Variants in CDC40 observed in about 807,000 individuals in gnomAD.
CDC40 encodes the protein pre-mRNA-processing factor 17.
In CDC40, 27 loss-of-function variants were observed where a neutral mutation model predicts 80.6. That is an observed-to-expected ratio of 0.33 (90% CI 0.25 to 0.46). The LOEUF (loss-of-function observed/expected upper bound fraction) is 0.46, where lower values mean the gene tolerates loss of function less well. CDC40 is among the 20% of genes least tolerant of loss of function. CDC40 has a pLI of 1.00. For synonymous variants in CDC40, 221 were observed against 232.6 expected, an observed-to-expected ratio of 0.95 and a Z score of 0.45; for missense variants, 486 against 694.1, an observed-to-expected ratio of 0.70 and a Z score of 3.37.
intron 2 of CDC40, among the ~76,000 whole-genome samples, chr6:110,200,244 G>A (rs1231817817): frequency 6.6e-6 from 1 of 152,180 alleles, no homozygotes; most frequent in Non-Finnish European, 1.5e-5. Context: ...AGAAAAAAAT[G>A]TAAGGCACAG....
chr6:110,191,409 T>C (rs1227078696), intron 1 of CDC40, among the ~76,000 whole-genome samples: 1 of 152,142 alleles, frequency 6.6e-6, no homozygotes, highest in East Asian at 1.9e-4. Flanking sequence ...TTAAAGATGG[T>C]GATATGATAG....
chr6:110,181,445 A>G (rs1472711669), intron 1 of CDC40, among the ~76,000 whole-genome samples: 1 of 144,668 alleles, frequency 6.9e-6, no homozygotes, highest in Non-Finnish European at 1.6e-5. Context: ...GAGGTAGGTG[A>G]TCAGCTCAAG....
chr6:110,200,047 C>T (rs1374601395), intron 2 of CDC40, among the ~76,000 whole-genome samples: 3 of 152,110 alleles, frequency 2.0e-5, no homozygotes, highest in Non-Finnish European at 4.4e-5. Flanking sequence ...ACATTTTTCA[C>T]CCATCAGGAG....
At chr6:110,201,744 T>C (rs2114657426) in intron 3 of CDC40, 57 bp downstream of exon 3, 4 of 1,463,440 alleles carry the variant, frequency 2.7e-6, no homozygotes, top group Non-Finnish European at 3.8e-6. Flanking sequence ...GTGTGATCTG[T>C]GTGTGTTAGT....
chr6:110,213,867 A>T (rs1209745651), intron 8 of CDC40, among the ~76,000 whole-genome samples: 1 of 152,198 alleles, frequency 6.6e-6, no homozygotes, highest in Non-Finnish European at 1.5e-5. Flanking sequence ...GTGTGGTAGA[A>T]AAAACTCCGT....
At chr6:110,221,190 A>G (rs1412492082) in intron 12 of CDC40, among the ~76,000 whole-genome samples, 1 of 152,336 alleles carries the variant, frequency 6.6e-6, no homozygotes. Context: ...GGAAGCCGCC[A>G]TGTTTTTACA....
At chr6:110,205,800 A>T (rs537884759) in intron 3 of CDC40, among the ~76,000 whole-genome samples, 1 of 152,342 alleles carries the variant, frequency 6.6e-6, no homozygotes. Flanking sequence ...TTAACATGGT[A>T]TGAGCTTATA....
At chr6:110,189,125 C>A (rs56085802) in intron 1 of CDC40, among the ~76,000 whole-genome samples, 6,792 of 152,232 alleles carry the variant, frequency 0.045, 184 homozygotes, top group African/African-American at 0.071. Flanking sequence ...TTCCCCTTCC[C>A]ATTTATTCTA....
At chr6:110,183,991 A>G (rs748528609) in intron 1 of CDC40, among the ~76,000 whole-genome samples, 5 of 152,140 alleles carry the variant, frequency 3.3e-5, no homozygotes, top group Non-Finnish European at 5.9e-5. Flanking sequence ...TGTTGTTTAC[A>G]AACAATTATT....
intron 5 of CDC40, among the ~76,000 whole-genome samples, chr6:110,209,897 A>AT (rs1777612020): frequency 6.6e-6 from 1 of 152,112 alleles, no homozygotes; most frequent in Non-Finnish European, 1.5e-5. Context: ...TTTATTTTAG[A>AT]TTTTATCTGT....
At chr6:110,201,489 A>G in intron 2 of CDC40, 69 bp from the exon 3 acceptor site, 1 of 1,194,860 alleles carries the variant, frequency 8.4e-7, no homozygotes, top group South Asian at 1.6e-5. Flanking sequence ...CAGTAATTCT[A>G]ACTTCCATAT....
At chr6:110,207,456 G>C (rs1435281633) in intron 3 of CDC40, 50 bp from the exon 4 acceptor site, 1 of 894,096 alleles carries the variant, frequency 1.1e-6, no homozygotes, top group Non-Finnish European at 1.8e-6. Context: ...ATAATAAAAT[G>C]AATTTAAACA....
At chr6:110,188,798 C>T (rs1777307418) in intron 1 of CDC40, among the ~76,000 whole-genome samples, 1 of 152,156 alleles carries the variant, frequency 6.6e-6, no homozygotes, top group Non-Finnish European at 1.5e-5. Context: ...CAGTGGTAGC[C>T]ATAGCAGTTT....
chr6:110,222,531 T>G (rs970855336), intron 12 of CDC40, among the ~76,000 whole-genome samples: 4 of 152,150 alleles, frequency 2.6e-5, no homozygotes, highest in African/African-American at 9.7e-5. Flanking sequence ...CACTCCAGCC[T>G]GGGTGACAGA....
At chr6:110,192,982 A>G (rs1027078057) in intron 1 of CDC40, among the ~76,000 whole-genome samples, 200 bp from the exon 2 acceptor site, 1 of 152,212 alleles carries the variant, frequency 6.6e-6, no homozygotes, top group Non-Finnish European at 1.5e-5. Context: ...AATTGTTAAT[A>G]AAGTCAGTAT....
chr6:110,198,998 C>T (rs1443611356), intron 2 of CDC40: 1 of 152,126 alleles, frequency 6.6e-6, no homozygotes, highest in African/African-American at 2.4e-5. Flanking sequence ...TGCTAAGTAG[C>T]GTTCGCTGCC....
intron 13 of CDC40, among the ~76,000 whole-genome samples, chr6:110,228,237 C>T (rs894475170): frequency 2.6e-5 from 4 of 152,288 alleles, no homozygotes; most frequent in South Asian, 2.1e-4. Context: ...CACTGTCATA[C>T]GTGCGGTCCA....
chr6:110,181,176 G>A (rs1309863585), intron 1 of CDC40, among the ~76,000 whole-genome samples: 1 of 152,190 alleles, frequency 6.6e-6, no homozygotes, highest in Admixed American at 6.5e-5. Flanking sequence ...ATATAGCACA[G>A]AGCCAACTAG....
Position 110,226,057 on chromosome 6 carries a change from A to G in CDC40, c.1341-110A>G, listed in dbSNP as rs911280010. 30 of 642,648 alleles carry G rather than the reference A, an allele frequency of 4.7e-5. No individual in the cohort carries two copies. The African/African-American group carries it at 5.2e-4, about 11-fold the overall frequency. The allele number at this position is 642,648 out of a possible 1,614,324, so 39.8% of individuals were successfully genotyped here. A position where few individuals can be genotyped will look rare whatever the true frequency, so the allele number is the denominator to read the frequency against. On this transcript the variant is annotated intron_variant, in intron 12 of 14. Transcript: ENST00000307731. ...GTTTCATGAAAGATTTATTAAATAT[A>G]TAATATCAAGAGTTTGCTTTTATTT...
Sources: allele counts gnomAD v4.1 joint callset (sites outside exome capture counted in the v4.1 genomes callset), GRCh38; gene constraint gnomAD v4.1.1; transcripts MANE v1.5; gene names NCBI Gene and HGNC (gene_info 2026-07-23, HGNC 2026-07-21).